LRPPRC: variants seen among roughly 807,000 people sequenced by gnomAD.
LRPPRC encodes the protein leucine rich pentatricopeptide repeat containing, also known as leucine-rich PPR motif-containing protein, mitochondrial.
In LRPPRC, 120 loss-of-function variants were observed where a neutral mutation model predicts 180.3. The observed-to-expected ratio is 0.67, with a 90% CI of 0.57 to 0.77. The LOEUF is 0.77. LRPPRC is among the 30% of genes least tolerant of loss of function. The pLI, the probability that LRPPRC is intolerant of heterozygous loss-of-function variation, is 0.00. For missense variants in LRPPRC, 2,012 were observed against 1,657.2 expected (o/e 1.21, Z -3.72); for synonymous variants, 723 against 600.0 (o/e 1.21, Z -3.00).
intron 11 of LRPPRC, among the ~76,000 whole-genome samples, chr2:43,972,917 TC>T (rs1673881810): frequency 6.6e-6 from 1 of 152,196 alleles, no homozygotes; most frequent in Non-Finnish European, 1.5e-5. Context: ...GTTAAAAGCA[TC>T]TTTTTATGAG....
At chr2:43,968,749 G>C (rs1360592646) in intron 11 of LRPPRC, among the ~76,000 whole-genome samples, 2 of 152,174 alleles carry the variant, frequency 1.3e-5, no homozygotes, top group Non-Finnish European at 2.9e-5. Flanking sequence ...TGGTCAAAGG[G>C]CACGAACTTT....
At chr2:43,950,549 A>C (rs1672859034) in intron 15 of LRPPRC, 24 bp downstream of exon 15, 3 of 1,599,504 alleles carry the variant, frequency 1.9e-6, no homozygotes, top group Non-Finnish European at 2.6e-6. Flanking sequence ...GCACCTTATG[A>C]TTTGCAATAT....
chr2:43,940,727 T>C (rs76912541), intron 23 of LRPPRC, among the ~76,000 whole-genome samples: 1,587 of 152,326 alleles, frequency 0.01, 13 homozygotes, highest in Non-Finnish European at 0.018. Context: ...CAAATTTTTA[T>C]GCTTTAATAT....
intron 1 of LRPPRC, among the ~76,000 whole-genome samples, chr2:43,995,031 A>C (rs932828463): frequency 5.9e-5 from 9 of 152,126 alleles, no homozygotes; most frequent in African/African-American, 2.2e-4. Flanking sequence ...GCTTGAAGTC[A>C]GGAGTTCGAG....
Position 43,901,403 on chromosome 2 carries a change from C to G in LRPPRC, c.3486G>C (p.Gln1162His), listed in dbSNP as rs143988510. Residue 1162 changes from glutamine to histidine, a missense_variant, in exon 32 of 38, where the codon CAG (glutamine) becomes CAC (histidine). By Grantham distance (24) the Gln-to-His change is conservative (BLOSUM62 0). Transcript: ENST00000260665. ...KGDVENIEVV[Q>H]KMLNGLEDSI... ...AGTCTTCGAGTCCATTTAACATCTT[C>G]TGAACTACTTCTATGTTTTCAACAT... The G allele has an allele frequency of 6.2e-7, 1 of 1,613,830 alleles. No individual in the cohort carries two copies. The highest frequency in any genetic ancestry group is 1.1e-5 in the South Asian group (1 of 91,084).
intron 14 of LRPPRC, among the ~76,000 whole-genome samples, chr2:43,951,667 A>C (rs1325328111): frequency 6.6e-6 from 1 of 152,212 alleles, no homozygotes; most frequent in African/African-American, 2.4e-5. Context: ...ATGGTAAAAC[A>C]GGACTGCCAA....
At chr2:43,917,140 CG>C (rs1671502246) in intron 29 of LRPPRC, among the ~76,000 whole-genome samples, 1 of 150,454 alleles carries the variant, frequency 6.6e-6, no homozygotes, top group South Asian at 2.1e-4. Flanking sequence ...TCCCCGGTTC[CG>C]GTGATTCTCC....
chr2:43,921,264 C>T (rs1671689715), intron 27 of LRPPRC, among the ~76,000 whole-genome samples: 1 of 152,104 alleles, frequency 6.6e-6, no homozygotes, highest in African/African-American at 2.4e-5. Flanking sequence ...TGCACTCCAG[C>T]CTGGGCGAGA....
At chr2:43,959,428 A>G (rs1337261868) in intron 13 of LRPPRC, among the ~76,000 whole-genome samples, 1 of 152,252 alleles carries the variant, frequency 6.6e-6, no homozygotes, top group East Asian at 1.9e-4. Flanking sequence ...GGTTCCACCC[A>G]TACAGTTTGA....
intron 36 of LRPPRC, chr2:43,892,805 A>G (rs965843075): frequency 2.0e-5 from 3 of 152,024 alleles, no homozygotes; most frequent in Non-Finnish European, 4.4e-5. Context: ...TAAACATAAA[A>G]TTAAAAAAAA....
intron 14 of LRPPRC, among the ~76,000 whole-genome samples, chr2:43,956,491 G>GTGTGTGTA (rs1338679713): frequency 9.2e-5 from 14 of 151,658 alleles, no homozygotes; most frequent in African/African-American, 3.4e-4. Context: ...GTGTGTGTGT[G>GTGTGTGTA]TGTGTGTGTG....
Position 43,948,305 on chromosome 2 carries a change from G to C in LRPPRC, c.1843-106C>G, listed in dbSNP as rs535059924. On this transcript the variant is annotated intron_variant, in intron 17 of 37. Coordinates refer to ENST00000260665, the MANE Select transcript of LRPPRC (RefSeq NM_133259.4). ...GACATAATTTAAGTCTCCAACTCTTGCATGTCATTGAGAAGTGGTCTGGTT... is the reference window on the plus strand; with the variant it reads ...GACATAATTTAAGTCTCCAACTCTTCCATGTCATTGAGAAGTGGTCTGGTT... 1.0e-4 allele frequency: 96 copies of C among 914,952 alleles called. 1 individual carries two copies. In the Middle Eastern group the frequency reaches 1.7e-3, roughly 16 times the overall value. The allele number at this position is 914,952 out of a possible 1,614,324, so 56.7% of individuals were successfully genotyped here.
chr2:43,937,674 C>G (rs1672324655), intron 23 of LRPPRC, among the ~76,000 whole-genome samples: 1 of 152,160 alleles, frequency 6.6e-6, no homozygotes, highest in South Asian at 2.1e-4. Context: ...CAAATTATCA[C>G]AACAGCTGAA....
At chr2:43,964,609 A>T (rs1398092144) in intron 11 of LRPPRC, among the ~76,000 whole-genome samples, 1 of 152,214 alleles carries the variant, frequency 6.6e-6, no homozygotes, top group Non-Finnish European at 1.5e-5. Context: ...AATTGACAGT[A>T]AATTCCTACT....
intron 27 of LRPPRC, 64 bp downstream of exon 27, chr2:43,925,003 C>G (rs1671826285): frequency 2.1e-6 from 2 of 971,900 alleles, no homozygotes; most frequent in Non-Finnish European, 3.4e-6. Context: ...AAACCAAATA[C>G]TCCTTTCCTG....
At chr2:43,941,679 G>A (rs1006085671) in intron 23 of LRPPRC, among the ~76,000 whole-genome samples, 15 of 151,878 alleles carry the variant, frequency 9.9e-5, no homozygotes, top group African/African-American at 3.4e-4. Context: ...CATTTCCCCT[G>A]ACTACGAATG....
chr2:43,933,864 AGG>A (rs1672178468), intron 25 of LRPPRC, among the ~76,000 whole-genome samples: 1 of 152,214 alleles, frequency 6.6e-6, no homozygotes, highest in Non-Finnish European at 1.5e-5. Flanking sequence ...TTTGGCAAAG[AGG>A]ATTAGCAACT....
At chr2:43,922,022 T>C (rs972162048) in intron 27 of LRPPRC, among the ~76,000 whole-genome samples, 1 of 152,236 alleles carries the variant, frequency 6.6e-6, no homozygotes, top group African/African-American at 2.4e-5. Flanking sequence ...GTTTGTCATA[T>C]AGAAATAATA....
At position 43,899,599 on chromosome 2, in the gene LRPPRC, G is replaced by A; in HGVS notation, c.3576C>T (p.Asn1192=). The A allele has an allele frequency of 1.9e-6, 3 of 1,606,336 alleles. No homozygotes were observed. Among genetic ancestry groups the A allele is most frequent in the Non-Finnish European group, 2.6e-6 (3 of 1,173,456 alleles). The part of the protein sequence containing the change: ...NIALAQIKNN[N]IDAAIENIEN... ...CAATGTTTTCTATTGCGGCATCTAT[G>A]TTATTACTGTTAAAAGCAAAATAAA... Residue 1192 remains asparagine (N), a synonymous_variant, in exon 33 of 38, where the codon AAC becomes AAT. Transcript: ENST00000260665.
Sources: gnomAD v4.1 joint callset for allele counts (sites outside exome capture counted in the v4.1 genomes callset) on GRCh38, gnomAD v4.1.1 for gene constraint, MANE v1.5 for transcripts, NCBI Gene and HGNC (gene_info 2026-07-23, HGNC 2026-07-21) for gene names.